SVEP1: variants seen among roughly 807,000 people sequenced by gnomAD.
SVEP1 encodes sushi, von Willebrand factor type A, EGF and pentraxin domain containing 1, also known as sushi, von Willebrand factor type A, EGF and pentraxin domain-containing protein 1.
In SVEP1, 164 loss-of-function variants were observed where a neutral mutation model predicts 367.3. The observed-to-expected ratio is 0.45, with a 90% CI of 0.39 to 0.51. The LOEUF is 0.51. SVEP1 is among the 20% of genes least tolerant of loss of function. The probability of loss-of-function intolerance (pLI) is 0.00; values close to 1 mark genes in which losing one functional copy is unlikely to be tolerated. For synonymous variants in SVEP1, 1,666 were observed against 1,611.6 expected (o/e 1.03, Z -0.81); for missense variants, 4,117 against 4,425.3 (o/e 0.93, Z 1.98).
chr9:110,436,199 A>G (rs574951290), intron 28 of SVEP1, among the ~76,000 whole-genome samples, 181 bp downstream of exon 28: 1 of 152,140 alleles, frequency 6.6e-6, no homozygotes, highest in Non-Finnish European at 1.5e-5. Context: ...AAGGGTGTTC[A>G]CTGAAAATTA....
chr9:110,370,614 G>A (rs1454574607), intron 46 of SVEP1, among the ~76,000 whole-genome samples: 1 of 152,120 alleles, frequency 6.6e-6, no homozygotes, highest in East Asian at 1.9e-4. Context: ...ACAGAAACTG[G>A]TTAGTCACAG....
Position 110,387,250 on chromosome 9 carries a change from A to G in SVEP1, c.10060+35T>C, listed in dbSNP as rs933105750. 4 of 1,539,504 alleles carry G rather than the reference A, an allele frequency of 2.6e-6. No individual in the cohort carries two copies. The African/African-American group carries it at 4.2e-5, about 16-fold the overall frequency. On this transcript the variant is annotated intron_variant, in intron 42 of 47. Coordinates refer to ENST00000374469, the MANE Select transcript of SVEP1 (RefSeq NM_153366.4). The stretch of plus-strand genomic sequence containing the variant: ...TGCGGGAAGCTAATCGTGAAACTGA[A>G]TCTGATTAAAATTTCTCCTAAAGGC...
At chr9:110,499,310 C>G in intron 6 of SVEP1, 72 bp from the exon 7 acceptor site, 3 of 1,388,610 alleles carry the variant, frequency 2.2e-6, no homozygotes, top group Non-Finnish European at 3.0e-6. Context: ...TCTTTTTACT[C>G]AAGAAAAATA....
rs1039215584 is a variant in SVEP1, at chr9:110,437,915, A to G, written c.4640-1411T>C. On this transcript the variant is annotated intron_variant, in intron 27 of 47. Transcript: ENST00000374469. The stretch of plus-strand genomic sequence containing the variant: ...ATCTACGTGTTTTTAAATTGTATTA[A>G]TAATTTTAAAGTTAATACATGCACA... Among the ~76,000 whole-genome samples the G allele has an allele frequency of 2.6e-5, 4 of 152,160 alleles. No homozygotes were observed. The East Asian group carries it at 7.7e-4, about 29-fold the overall frequency.
intron 24 of SVEP1, among the ~76,000 whole-genome samples, chr9:110,447,602 A>G: frequency 6.6e-6 from 1 of 152,236 alleles, no homozygotes; most frequent in Admixed American, 6.5e-5. Flanking sequence ...ATCAGAATGG[A>G]AAGTATATCT....
intron 27 of SVEP1, among the ~76,000 whole-genome samples, chr9:110,440,711 T>C (rs541211999): frequency 2.7e-4 from 41 of 152,300 alleles, no homozygotes; most frequent in Non-Finnish European, 5.1e-4. Flanking sequence ...AGAGAGTTTC[T>C]AGGCAAAGGA....
rs369529130 is a variant in SVEP1, at chr9:110,472,242, C to T, written c.2681G>A (p.Ser894Asn). ...FLDTVQETAT[S>N]IGNAKSSRIK... ...CCGTGAGGACTTGGCATTGCCGATG[C>T]TTGTGGCTGTTTCTTGCACAGTGTC... is the stretch of plus-strand genomic sequence containing the variant. The change falls in exon 15 of 48, where the codon AGC (serine) becomes AAC (asparagine). Residue 894 changes from serine to asparagine, a missense_variant. Physicochemically the swap from Ser to Asn is conservative, Grantham distance 46. Coordinates refer to ENST00000374469, the MANE Select transcript of SVEP1 (RefSeq NM_153366.4). The T allele has an allele frequency of 2.5e-5, 40 of 1,613,542 alleles. 1 individual carries two copies. Among genetic ancestry groups the T allele is most frequent in the African/African-American group, 1.9e-4 (14 of 74,896 alleles).
intron 41 of SVEP1, 96 bp downstream of exon 41, chr9:110,389,428 T>TTA (rs1250548690): frequency 6.8e-7 from 1 of 1,467,992 alleles, no homozygotes; most frequent in African/African-American, 1.4e-5. Context: ...GGCTTACATT[T>TTA]TAATTACAAA....
chr9:110,447,037 A>G lies in SVEP1; in HGVS notation c.4124T>C (p.Phe1375Ser). 1 of 1,524,256 alleles carries G rather than the reference A, an allele frequency of 6.6e-7. No homozygotes were observed. Among genetic ancestry groups the G allele is most frequent in the Non-Finnish European group, 8.8e-7 (1 of 1,136,912 alleles). The allele number at this position is 1,524,256 out of a possible 1,614,324, so 94.4% of individuals were successfully genotyped here. Reference sequence around the variant, plus strand: ...GTTCAATTCACAGTGTGATCCTGTGAAGCCAGCTGCACACAGGCATCTGAA... The same window carrying G: ...GTTCAATTCACAGTGTGATCCTGTGGAGCCAGCTGCACACAGGCATCTGAA... ...NSFRCLCAAG[F>S]TGSHCELNIN... The change falls in exon 25 of 48, where the codon TTC (phenylalanine) becomes TCC (serine). Residue 1375 changes from phenylalanine (F) to serine (S), a missense_variant. Phe to Ser is a radical substitution (Grantham distance 155). Coordinates refer to ENST00000374469, the MANE Select transcript of SVEP1 (RefSeq NM_153366.4).
chr9:110,423,415 C>T (rs1048312179), intron 36 of SVEP1, among the ~76,000 whole-genome samples: 5 of 151,900 alleles, frequency 3.3e-5, no homozygotes, highest in African/African-American at 1.2e-4. Context: ...AATAAATATA[C>T]ATAAGCAGTG....
chr9:110,481,451 T>C lies in SVEP1; in HGVS notation c.2171-15A>G. On this transcript the variant is annotated splice_polypyrimidine_tract_variant and intron_variant, in intron 11 of 47. Transcript: ENST00000374469. ...ACAGGGAGAACCTGTGTAAAAAAAA[T>C]TGTACTATTCATATATAGTGGTACA... The C allele has an allele frequency of 6.5e-7, 1 of 1,538,802 alleles. No individual in the cohort carries two copies. Among genetic ancestry groups the C allele is most frequent in the Non-Finnish European group, 8.8e-7 (1 of 1,141,382 alleles).
At position 110,408,398 on chromosome 9, in the gene SVEP1, C is replaced by G. The variant is rs1334485976; in HGVS notation, c.7202G>C (p.Gly2401Ala). 6.2e-7 allele frequency: 1 copy of G among 1,613,876 alleles called. No homozygotes were observed. Among genetic ancestry groups the G allele is most frequent in the Non-Finnish European group, 8.5e-7 (1 of 1,179,876 alleles). Reference sequence around the variant, plus strand: ...TACACAAGAATACTTGACAGTACTTCCAAAATGAAGAGCAGAAGAAGGAAT... The same window carrying G: ...TACACAAGAATACTTGACAGTACTTGCAAAATGAAGAGCAGAAGAAGGAAT... ...VPIPSSALHF[G>A]STVKYSCVGG... The change falls in exon 38 of 48, where the codon GGA becomes GCA. Residue 2401 changes from glycine to alanine, a missense_variant. Physicochemically the swap from Gly to Ala is moderately conservative, Grantham distance 60. Coordinates refer to ENST00000374469, the MANE Select transcript of SVEP1 (RefSeq NM_153366.4).
At chr9:110,430,708 G>A (rs760662475) in intron 32 of SVEP1, among the ~76,000 whole-genome samples, 33 of 152,200 alleles carry the variant, frequency 2.2e-4, no homozygotes, top group Non-Finnish European at 4.7e-4. Flanking sequence ...GCAAAGGTAG[G>A]CGCTCATTGG....
chr9:110,434,666 T>TAAAAAAAAAAAAAAAAAAAAAAACAAAAA (rs71371668), intron 29 of SVEP1, among the ~76,000 whole-genome samples, 160 bp from the exon 30 acceptor site: 1 of 40,620 alleles, frequency 2.5e-5, no homozygotes, highest in Non-Finnish European at 4.2e-5. Context: ...GCAAAATCAC[T>TAAAAAAAAAAAAAAAAAAAAAAACAAAAA]AAAAAAAAAA....
At chr9:110,460,581 C>T (rs1035377484) in intron 18 of SVEP1, among the ~76,000 whole-genome samples, 17 of 151,950 alleles carry the variant, frequency 1.1e-4, no homozygotes, top group African/African-American at 3.9e-4. Flanking sequence ...GGCGAAACAC[C>T]GTCTCTACTA....
intron 44 of SVEP1, 32 bp downstream of exon 44, chr9:110,379,315 A>C (rs1333362411): frequency 6.2e-7 from 1 of 1,603,426 alleles, no homozygotes; most frequent in Non-Finnish European, 8.5e-7. Context: ...CTGCAGTTTC[A>C]CTAAGAAATA....
intron 39 of SVEP1, among the ~76,000 whole-genome samples, chr9:110,403,709 AATGTCT>A (rs1474386936): frequency 6.6e-6 from 1 of 152,090 alleles, no homozygotes; most frequent in Non-Finnish European, 1.5e-5. Flanking sequence ...TGTGCAAAAG[AATGTCT>A]ATGCATAGAA....
chr9:110,457,265 C>G lies in SVEP1; in HGVS notation c.3664G>C (p.Gly1222Arg). The G allele has an allele frequency of 1.2e-6, 2 of 1,606,882 alleles. No individual in the cohort carries two copies. The highest frequency in any genetic ancestry group is 1.7e-6 in the Non-Finnish European group (2 of 1,177,858). ...CCTCTTGGTTATTTACCTGTATATC[C>G]AAGTGGACAGAGACAAACATAACCA... is the stretch of plus-strand genomic sequence containing the variant. ...GRGYVCLCPL[G>R]YTGLKCETDI... is the part of the protein sequence containing the mutation. Residue 1222 changes from glycine to arginine, a missense_variant, in exon 21 of 48, where the codon GGA becomes CGA. Around this residue, in one of 4 missense-constraint regions of SVEP1, gnomAD observed 2,174 missense variants for 2,494.3 expected, o/e 0.87. Coordinates refer to ENST00000374469, the MANE Select transcript of SVEP1 (RefSeq NM_153366.4).
In SVEP1 at chr9:110,416,898, GATTCTAACT is replaced by G. The variant is rs1828129097; in HGVS notation, c.5976-5172_5976-5164del. On this transcript the variant is annotated intron_variant, in intron 36 of 47. Transcript: ENST00000374469. The stretch of plus-strand genomic sequence containing the variant: ...TGTAGGATATTTAGCATTTTTCCTA[GATTCTAACT>G]ATTAGATGCTAGTAGCATCTTCCCC... Among the ~76,000 whole-genome samples, 4 of 152,110 alleles carry G rather than the reference GATTCTAACT, an allele frequency of 2.6e-5. No individual in the cohort carries two copies. In the South Asian group the frequency reaches 8.3e-4, roughly 32 times the overall value.
Sources: allele counts gnomAD v4.1 joint callset (sites outside exome capture counted in the v4.1 genomes callset), GRCh38; gene constraint gnomAD v4.1.1; regional missense constraint gnomAD v4.1.1; transcripts MANE v1.5; gene names NCBI Gene and HGNC (gene_info 2026-07-23, HGNC 2026-07-21).